The following NUP210L variants were observed in gnomAD, a reference collection of about 807,000 sequenced individuals.
NUP210L encodes nucleoporin 210 like.
Under a neutral mutation model 208.5 loss-of-function variants are expected in NUP210L, and 74 were observed. The ratio of observed to expected loss-of-function variants is 0.35; its 90% CI spans 0.29 to 0.43. The LOEUF is 0.43. Ranked by LOEUF, NUP210L falls within the 20% of genes least tolerant of loss-of-function variation. NUP210L has a pLI of 1.00. For synonymous variants in NUP210L, 780 were observed against 816.9 expected (o/e 0.95, Z 0.77); for missense variants, 1,843 against 2,289.4 (o/e 0.81, Z 3.98).
intron 8 of NUP210L, 88 bp from the exon 9 acceptor site, chr1:154,127,505 C>A: frequency 4.6e-5 from 21 of 459,518 alleles, no homozygotes; most frequent in African/African-American, 1.1e-4. Flanking sequence ...TAAAGCTGTT[C>A]AAACAGCAAA....
intron 35 of NUP210L, among the ~76,000 whole-genome samples, chr1:154,005,812 C>T (rs1650493354): frequency 6.6e-6 from 1 of 152,054 alleles, no homozygotes; most frequent in Non-Finnish European, 1.5e-5. Context: ...CAATCTCCGC[C>T]TCCCGGGTTC....
intron 12 of NUP210L, among the ~76,000 whole-genome samples, chr1:154,107,382 G>A (rs1056364555): frequency 2.0e-4 from 31 of 151,404 alleles, no homozygotes; most frequent in African/African-American, 7.3e-4. Context: ...GCTGAGGCAG[G>A]AGAATGGCGT....
intron 14 of NUP210L, among the ~76,000 whole-genome samples, chr1:154,098,171 C>G (rs907459858): frequency 1.3e-5 from 2 of 152,226 alleles, no homozygotes; most frequent in Non-Finnish European, 2.9e-5. Flanking sequence ...ATCAGGTGCA[C>G]TGCAAGCAGC....
At chr1:154,088,588 A>G (rs895974176) in intron 16 of NUP210L, among the ~76,000 whole-genome samples, 5 of 152,338 alleles carry the variant, frequency 3.3e-5, no homozygotes, top group African/African-American at 1.2e-4. Flanking sequence ...TTTGATGTGA[A>G]GTCTGACTCA....
At position 154,061,056 on chromosome 1, in the gene NUP210L, T is replaced by A; in HGVS notation, c.2644-10A>T. 6.4e-7 allele frequency: 1 copy of A among 1,572,148 alleles called. No individual in the cohort carries two copies. The highest frequency in any genetic ancestry group is 1.7e-4 in the Middle Eastern group (1 of 5,972). ...GCAAGTTGGAAATTTCCTAGAAATA[T>A]AATAAGAACCACAAAAGTGAATATA... On this transcript the variant is annotated splice_polypyrimidine_tract_variant and intron_variant, in intron 18 of 39. Coordinates refer to ENST00000368559, the Ensembl canonical transcript of NUP210L.
chr1:154,006,151 C>T (rs931554716), intron 35 of NUP210L, among the ~76,000 whole-genome samples: 1 of 152,124 alleles, frequency 6.6e-6, no homozygotes, highest in Non-Finnish European at 1.5e-5. Flanking sequence ...AGCCACCGCA[C>T]CTGGCCAAAA....
At chr1:154,046,908 A>G (rs1011394710) in intron 25 of NUP210L, among the ~76,000 whole-genome samples, 4 of 152,144 alleles carry the variant, frequency 2.6e-5, no homozygotes, top group African/African-American at 9.7e-5. Context: ...AAAATACAAA[A>G]TTAGCTGGGT....
chr1:154,059,895 T>C (rs1232652989), intron 20 of NUP210L, among the ~76,000 whole-genome samples: 1 of 152,230 alleles, frequency 6.6e-6, no homozygotes, highest in African/African-American at 2.4e-5. Context: ...ATACTGACTA[T>C]GGAGTTAGGT....
intron 10 of NUP210L, among the ~76,000 whole-genome samples, chr1:154,125,638 G>C (rs1023948358): frequency 1.1e-3 from 1 of 878 alleles, no homozygotes; most frequent in African/African-American, 2.3e-3. Context: ...AGGAAGGAAG[G>C]AAGGAAGGAA....
rs1403662453 is a variant in NUP210L at position 154,061,010 on chromosome 1, G to T, written c.2680C>A (p.Leu894Met). The T allele has an allele frequency of 1.9e-6, 3 of 1,613,530 alleles. No homozygotes were observed. In the South Asian group the frequency reaches 3.3e-5, roughly 18 times the overall value. The change falls in exon 19 of 40, where the codon CTG becomes ATG. Residue 894 changes from leucine to methionine, a missense_variant. This residue lies in a region of NUP210L where 408 missense variants were observed against 600.8 expected (regional missense o/e 0.68). Coordinates refer to ENST00000368559, the Ensembl canonical transcript of NUP210L. ...ACAGTTACATCATCTACCAGGAGCA[G>T]TTCCACATCTACAGATCTGGGCAAG...
intron 13 of NUP210L, among the ~76,000 whole-genome samples, chr1:154,101,989 A>G (rs963684212): frequency 1.3e-5 from 2 of 152,008 alleles, no homozygotes; most frequent in Non-Finnish European, 2.9e-5. Context: ...GTCTCTACTA[A>G]AAAATTCAAA....
intron 16 of NUP210L, among the ~76,000 whole-genome samples, chr1:154,072,362 T>C (rs1394994525): frequency 3.0e-5 from 4 of 134,762 alleles, no homozygotes; most frequent in African/African-American, 1.1e-4. Flanking sequence ...AGACGGAGTC[T>C]CGCTCTGTTG....
intron 37 of NUP210L, among the ~76,000 whole-genome samples, chr1:153,998,559 A>C (rs2147882887): frequency 6.6e-6 from 1 of 151,464 alleles, no homozygotes; most frequent in Non-Finnish European, 1.5e-5. Context: ...GTCTCAAAAA[A>C]AAAAAAAAAA....
chr1:154,082,881 G>A (rs1387040401), intron 16 of NUP210L, among the ~76,000 whole-genome samples: 2 of 152,034 alleles, frequency 1.3e-5, no homozygotes, highest in Non-Finnish European at 1.5e-5. Context: ...TCATCTCGCT[G>A]GCTTCAGGAG....
chr1:154,148,598 G>C (rs1468354555), intron 2 of NUP210L, among the ~76,000 whole-genome samples: 2 of 152,214 alleles, frequency 1.3e-5, no homozygotes, highest in African/African-American at 4.8e-5. Flanking sequence ...TGAAACATTA[G>C]AGCAAACTAG....
chr1:154,095,258 C>T, intron 14 of NUP210L, 102 bp from the exon 15 acceptor site: 3 of 859,834 alleles, frequency 3.5e-6, no homozygotes, highest in South Asian at 3.4e-5. Flanking sequence ...TGACGTTAAA[C>T]TTAATTCCCA....
At position 154,121,464 on chromosome 1, in the gene NUP210L, C is replaced by T. The variant is rs145292767; in HGVS notation, c.1327-2656G>A. On this transcript the variant is annotated intron_variant, in intron 10 of 39. Transcript: ENST00000368559. Reference sequence around the variant, plus strand: ...TCTGTAGTCCCCATTATGTAGTATACATTGTCTTAGGATTGGTCTGAATAA... The same window carrying T: ...TCTGTAGTCCCCATTATGTAGTATATATTGTCTTAGGATTGGTCTGAATAA... Among the ~76,000 whole-genome samples the T allele has an allele frequency of 1.2e-3, 187 of 152,246 alleles. 1 individual carries two copies. The East Asian group carries it at 0.026, about 21-fold the overall frequency.
At chr1:154,134,158 A>AAAT (rs1216241461) in intron 7 of NUP210L, among the ~76,000 whole-genome samples, 9 of 150,320 alleles carry the variant, frequency 6.0e-5, no homozygotes, top group African/African-American at 1.7e-4. Context: ...CTCAAAAAAA[A>AAAT]AATAATAATA....
chr1:154,154,981 G>A (rs779713008), exon 1 of NUP210L: 7 of 1,613,930 alleles, frequency 4.3e-6, no homozygotes, highest in Non-Finnish European at 5.1e-6. Flanking sequence ...AGGAGGCGGT[G>A]TAGACGCAAG....
Sources: allele counts gnomAD v4.1 joint callset (sites outside exome capture counted in the v4.1 genomes callset), GRCh38; gene constraint gnomAD v4.1.1; regional missense constraint gnomAD v4.1.1; transcripts MANE v1.5; gene names NCBI Gene and HGNC (gene_info 2026-07-23, HGNC 2026-07-21).